Variants in TBC1D5 observed in about 807,000 individuals in gnomAD.
TBC1D5 encodes TBC1 domain family, member 5.
A neutral mutation model predicts 100.3 loss-of-function variants in TBC1D5; 75 were observed. The ratio of observed to expected loss-of-function variants is 0.75; its 90% CI spans 0.62 to 0.91. The LOEUF (loss-of-function observed/expected upper bound fraction) is 0.91. TBC1D5 is among the 40% of genes least tolerant of loss of function. The pLI, the probability that TBC1D5 is intolerant of heterozygous loss-of-function variation, is 0.00. For missense variants in TBC1D5, 910 were observed against 942.4 expected, an observed-to-expected ratio of 0.97 and a Z score of 0.45; for synonymous variants, 323 against 325.6, an observed-to-expected ratio of 0.99 and a Z score of 0.09.
chr3:17,630,966 C>T (rs1309630860), intron 1 of TBC1D5, among the ~76,000 whole-genome samples: 1 of 148,080 alleles, frequency 6.8e-6, no homozygotes, highest in Non-Finnish European at 1.5e-5. Flanking sequence ...ATGGTGTGAA[C>T]CCGGGAGGCA....
At chr3:17,341,297 C>A (rs370257363) in intron 13 of TBC1D5, among the ~76,000 whole-genome samples, 19 of 152,040 alleles carry the variant, frequency 1.2e-4, no homozygotes, top group Admixed American at 3.3e-4. Flanking sequence ...CCTGGGTTCA[C>A]GCCATTCTCC....
intron 13 of TBC1D5, among the ~76,000 whole-genome samples, chr3:17,370,398 T>C (rs982702565): frequency 6.6e-6 from 1 of 152,202 alleles, no homozygotes; most frequent in Non-Finnish European, 1.5e-5. Context: ...GAGAGGAATA[T>C]AAAAATTTAA....
rs181843225 is a variant in TBC1D5, at chr3:17,702,498, A to G, written c.-101+36845T>C. On this transcript the variant is annotated intron_variant, in intron 1 of 21. Transcript: ENST00000253692. ...AAAAGAACATAGTGAACGGCATTAA[A>G]AAATACACAGAAAAGGATACATAAA... 1.0e-3 allele frequency: 159 copies of G among 152,294 alleles called. 2 individuals are homozygous for G. Among genetic ancestry groups the G allele is most frequent in the African/African-American group, 3.6e-3 (150 of 41,586 alleles). The allele number at this position is 152,294 out of a possible 1,614,324, so 9.4% of individuals were successfully genotyped here.
At chr3:17,724,785 G>C (rs750779410) in intron 1 of TBC1D5, among the ~76,000 whole-genome samples, 1 of 152,038 alleles carries the variant, frequency 6.6e-6, no homozygotes, top group Non-Finnish European at 1.5e-5. Context: ...ATATGTGTAT[G>C]TGTGTGTTTA....
At chr3:17,275,107 T>G (rs1575082823) in intron 15 of TBC1D5, among the ~76,000 whole-genome samples, 1 of 54,898 alleles carries the variant, frequency 1.8e-5, no homozygotes, top group African/African-American at 6.9e-5. Flanking sequence ...GAGGAAACAA[T>G]TATTTCCAAT....
intron 9 of TBC1D5, among the ~76,000 whole-genome samples, chr3:17,380,094 C>T (rs1418252697): frequency 9.3e-6 from 1 of 107,998 alleles, no homozygotes. Flanking sequence ...TGTGTGTATA[C>T]ACATCCAGAT....
intron 1 of TBC1D5, among the ~76,000 whole-genome samples, chr3:17,642,436 A>G (rs773273753): frequency 1.3e-5 from 2 of 152,156 alleles, no homozygotes; most frequent in Non-Finnish European, 2.9e-5. Flanking sequence ...AGACAAATTG[A>G]TTTGCTCAAG....
intron 2 of TBC1D5, among the ~76,000 whole-genome samples, chr3:17,523,081 T>C (rs1438283489): frequency 9.3e-6 from 1 of 107,274 alleles, no homozygotes; most frequent in East Asian, 1.9e-4. Context: ...CTAGACACTG[T>C]GTTTTATGTG....
chr3:17,158,717 G>C (rs962183899), exon 22 of TBC1D5: 2 of 152,226 alleles, frequency 1.3e-5, no homozygotes, highest in African/African-American at 4.8e-5. Context: ...CAACTGCAGG[G>C]AGCCAGCGGA....
chr3:17,315,568 C>A (rs2084593873), intron 13 of TBC1D5, among the ~76,000 whole-genome samples: 1 of 152,158 alleles, frequency 6.6e-6, no homozygotes, highest in African/African-American at 2.4e-5. Flanking sequence ...AAATGCTATT[C>A]CTGGAGAAAT....
At chr3:17,219,788 C>T (rs1033087937) in intron 17 of TBC1D5, among the ~76,000 whole-genome samples, 1 of 152,038 alleles carries the variant, frequency 6.6e-6, no homozygotes, top group African/African-American at 2.4e-5. Flanking sequence ...ATAAAACTCG[C>T]TCTTCTTACT....
At chr3:17,223,882 A>G (rs1357245054) in intron 17 of TBC1D5, among the ~76,000 whole-genome samples, 1 of 151,186 alleles carries the variant, frequency 6.6e-6, no homozygotes, top group African/African-American at 2.4e-5. Context: ...GTAACAACAG[A>G]GCAAGACTCT....
chr3:17,482,788 CA>C lies in TBC1D5; in HGVS notation c.97+25685del, dbSNP rs980087632. On this transcript the variant is annotated intron_variant, in intron 3 of 21. Transcript: ENST00000253692. The stretch of plus-strand genomic sequence containing the variant: ...ACTAGTTCTGTTTCTCAAATTGATA[CA>C]AATGATCTCCTTCTGTTTCTGTCTG... 2.0e-5 allele frequency among the ~76,000 whole-genome samples: 3 copies of C among 152,166 alleles called. No homozygotes were observed. In the East Asian group the frequency reaches 5.8e-4, roughly 29 times the overall value.
intron 3 of TBC1D5, among the ~76,000 whole-genome samples, chr3:17,482,256 C>CA (rs1218070890): frequency 6.6e-6 from 1 of 151,836 alleles, no homozygotes; most frequent in Non-Finnish European, 1.5e-5. Context: ...GTTTAAAAGA[C>CA]AAAAAACTTC....
At chr3:17,434,845 C>G (rs976161895) in intron 3 of TBC1D5, among the ~76,000 whole-genome samples, 2 of 152,166 alleles carry the variant, frequency 1.3e-5, no homozygotes, top group African/African-American at 4.8e-5. Context: ...TGTCATCCTG[C>G]AAATTTTCCA....
intron 13 of TBC1D5, among the ~76,000 whole-genome samples, chr3:17,344,490 C>T (rs1282544031): frequency 6.6e-6 from 1 of 150,692 alleles, no homozygotes; most frequent in African/African-American, 2.4e-5. Context: ...GGCCATACTG[C>T]CCAAGGTAAT....
At position 17,340,229 on chromosome 3, in the gene TBC1D5, A is replaced by G. The variant is rs150395282; in HGVS notation, c.995+31846T>C. Among the ~76,000 whole-genome samples the G allele has an allele frequency of 3.5e-3, 526 of 152,300 alleles. 4 individuals carry two copies. Among genetic ancestry groups the G allele is most frequent in the African/African-American group, 0.012 (498 of 41,568 alleles). ...CTCTATACTGGGAATGGGTCACAACATGAAGGGATAAGCAGTTACCCAGGT... is the reference window on the plus strand; with the variant it reads ...CTCTATACTGGGAATGGGTCACAACGTGAAGGGATAAGCAGTTACCCAGGT... On this transcript the variant is annotated intron_variant, in intron 13 of 21. Coordinates refer to ENST00000253692, the Ensembl canonical transcript of TBC1D5.
intron 3 of TBC1D5, among the ~76,000 whole-genome samples, chr3:17,451,445 C>T (rs112080844): frequency 0.091 from 13,868 of 152,062 alleles, 1,428 homozygotes; most frequent in African/African-American, 0.26. Context: ...AAAACCACAA[C>T]GAGATACCAT....
At chr3:17,608,524 CT>C (rs2061480802) in intron 2 of TBC1D5, among the ~76,000 whole-genome samples, 1 of 152,266 alleles carries the variant, frequency 6.6e-6, no homozygotes, top group African/African-American at 2.4e-5. Context: ...TTTAGTATGT[CT>C]GCTTTCCCTA....
Sources: gnomAD v4.1 joint callset for allele counts (sites outside exome capture counted in the v4.1 genomes callset) on GRCh38, gnomAD v4.1.1 for gene constraint, MANE v1.5 for transcripts, NCBI Gene and HGNC (gene_info 2026-07-23, HGNC 2026-07-21) for gene names.